Variants in SMC3 observed in about 807,000 individuals in gnomAD.
SMC3 encodes the protein structural maintenance of chromosomes protein 3.
A neutral mutation model predicts 171.8 loss-of-function variants in SMC3; 20 were observed. That is an observed-to-expected ratio of 0.12 (90% CI 0.08 to 0.17). The LOEUF (loss-of-function observed/expected upper bound fraction) is 0.17, where lower values mean the gene tolerates loss of function less well. Ranked by LOEUF, SMC3 falls within the 10% of genes least tolerant of loss-of-function variation. SMC3 has a pLI of 1.00. For synonymous variants in SMC3, 464 were observed against 451.1 expected (o/e 1.03, Z -0.36); for missense variants, 543 against 1,420.4 (o/e 0.38, Z 9.93).
Position 110,595,765 on chromosome 10 carries a change from A to G in SMC3, c.1964-633A>G, listed in dbSNP as rs578021135. Among the ~76,000 whole-genome samples, 3 of 151,894 alleles carry G rather than the reference A, an allele frequency of 2.0e-5. No individual in the cohort carries two copies. The East Asian group carries it at 5.8e-4, about 29-fold the overall frequency. ...ATGAATTTTTTTTTTTTAATTCAAT[A>G]TGTTATTACATTGGTATTGTTATTT... is the stretch of plus-strand genomic sequence containing the variant. On this transcript the variant is annotated intron_variant, in intron 18 of 28. Transcript: ENST00000361804.
chr10:110,580,743 C>T (rs762297322), intron 7 of SMC3, among the ~76,000 whole-genome samples, 161 bp from the exon 8 acceptor site: 1 of 152,064 alleles, frequency 6.6e-6, no homozygotes, highest in Non-Finnish European at 1.5e-5. Flanking sequence ...GCAAATATTC[C>T]AAAACTTGAA....
At chr10:110,588,597 G>A (rs1270969916) in intron 13 of SMC3, among the ~76,000 whole-genome samples, 1 of 152,134 alleles carries the variant, frequency 6.6e-6, no homozygotes, top group Non-Finnish European at 1.5e-5. Context: ...GTTTGCTTTG[G>A]TCTTTTATGA....
intron 19 of SMC3, 110 bp from the exon 20 acceptor site, chr10:110,598,029 G>T (rs1564794734): frequency 1.0e-6 from 1 of 983,554 alleles, no homozygotes; most frequent in African/African-American, 1.6e-5. Context: ...GGACATAAAT[G>T]TTATTTGGGG....
Position 110,604,561 on chromosome 10 carries a change from AT to A in SMC3, c.*261del, listed in dbSNP as rs1366768484. The A allele has an allele frequency of 4.9e-6, 2 of 410,968 alleles. No individual in the cohort carries two copies. The highest frequency in any genetic ancestry group is 4.1e-5 in the African/African-American group (2 of 49,176). The allele number at this position is 410,968 out of a possible 1,614,324, so 25.5% of individuals were successfully genotyped here. ...TTAAATGTTTTGAAACATGCTAAAT[AT>A]TCTTTCCTAATTATTTTATCACTTA... On this transcript the variant is annotated 3_prime_UTR_variant, in exon 29 of 29. Coordinates refer to ENST00000361804, the MANE Select transcript of SMC3 (RefSeq NM_005445.4).
chr10:110,587,972 A>G (rs1280274205), intron 13 of SMC3, among the ~76,000 whole-genome samples: 1 of 152,164 alleles, frequency 6.6e-6, no homozygotes. Context: ...TTAATTATCC[A>G]AGATGTTAAA....
At position 110,567,766 on chromosome 10, in the gene SMC3, T is replaced by G. The variant is rs1860794180; in HGVS notation, c.-51T>G. 6.2e-7 allele frequency: 1 copy of G among 1,612,034 alleles called. No individual in the cohort carries two copies. Among genetic ancestry groups the G allele is most frequent in the East Asian group, 2.2e-5 (1 of 44,842 alleles). On this transcript the variant is annotated 5_prime_UTR_variant, in exon 1 of 29. Coordinates refer to ENST00000361804, the MANE Select transcript of SMC3 (RefSeq NM_005445.4). ...GGCGCCTCACCTGACCCTGCGGCCG[T>G]GCGGTTGCTGCTCCGGGGCAGGTCT... is the stretch of plus-strand genomic sequence containing the variant.
intron 18 of SMC3, among the ~76,000 whole-genome samples, chr10:110,593,945 AC>A (rs1564793313): frequency 6.6e-6 from 1 of 151,640 alleles, no homozygotes; most frequent in South Asian, 2.1e-4. Context: ...CCAAGATCAC[AC>A]CCCTGCACTC....
intron 19 of SMC3, among the ~76,000 whole-genome samples, chr10:110,597,437 C>T (rs905567001): frequency 2.0e-5 from 3 of 152,114 alleles, no homozygotes; most frequent in Admixed American, 6.6e-5. Context: ...AATATAGGTA[C>T]TTGAGCATCA....
chr10:110,576,685 C>T (rs1409752482), intron 4 of SMC3, among the ~76,000 whole-genome samples: 1 of 152,042 alleles, frequency 6.6e-6, no homozygotes, highest in Non-Finnish European at 1.5e-5. Context: ...GCCCAGTAAT[C>T]AGAATTGATT....
Position 110,604,217 on chromosome 10 carries a change from C to T in SMC3, c.3583-14C>T, listed in dbSNP as rs1481867538. ...GTAATTAACAGATTTTTGTTTTTAA[C>T]ATTTATTCTTCAGGTTAGTCATATT... On this transcript the variant is annotated splice_polypyrimidine_tract_variant and intron_variant, in intron 28 of 28. Coordinates refer to ENST00000361804, the MANE Select transcript of SMC3 (RefSeq NM_005445.4). 1 of 1,585,462 alleles carries T rather than the reference C, an allele frequency of 6.3e-7. No homozygotes were observed. Among genetic ancestry groups the T allele is most frequent in the Non-Finnish European group, 8.6e-7 (1 of 1,159,836 alleles).
intron 2 of SMC3, among the ~76,000 whole-genome samples, chr10:110,572,657 T>C (rs1217521422): frequency 6.6e-6 from 1 of 152,134 alleles, no homozygotes; most frequent in Non-Finnish European, 1.5e-5. Context: ...ATAAGTAATA[T>C]AGGCAGATGC....
intron 13 of SMC3, among the ~76,000 whole-genome samples, chr10:110,587,188 TTAGA>T (rs1013718601): frequency 1.3e-5 from 2 of 152,356 alleles, no homozygotes; most frequent in African/African-American, 2.4e-5. Flanking sequence ...GGGGAAGCTC[TTAGA>T]TAGTTTCAGT....
At chr10:110,595,123 C>T (rs1050139722) in intron 18 of SMC3, among the ~76,000 whole-genome samples, 1 of 151,940 alleles carries the variant, frequency 6.6e-6, no homozygotes, top group Non-Finnish European at 1.5e-5. Context: ...GCTGGGATTA[C>T]AGACATGCGC....
intron 10 of SMC3, 38 bp downstream of exon 10, chr10:110,582,680 TA>T: frequency 1.4e-6 from 2 of 1,479,442 alleles, no homozygotes; most frequent in Non-Finnish European, 1.9e-6. Flanking sequence ...ACTTACTTTT[TA>T]CTTTTGAGAC....
chr10:110,602,755 C>T (rs774162501), intron 26 of SMC3, 70 bp from the exon 27 acceptor site: 6 of 1,565,862 alleles, frequency 3.8e-6, no homozygotes, highest in Non-Finnish European at 5.3e-6. Context: ...GCATTATATG[C>T]AAGTTACTTT....
At chr10:110,595,642 T>A (rs1231669646) in intron 18 of SMC3, among the ~76,000 whole-genome samples, 5 of 152,262 alleles carry the variant, frequency 3.3e-5, no homozygotes, top group South Asian at 4.1e-4. Context: ...AAATGGTGAT[T>A]CATAAATTCT....
rs547477151 is a variant in SMC3 at position 110,598,076 on chromosome 10, A to G, written c.2117-63A>G. The G allele has an allele frequency of 1.5e-4, 223 of 1,483,066 alleles. 6 individuals are homozygous for G. In the South Asian group the frequency reaches 2.1e-3, roughly 14 times the overall value. The allele number at this position is 1,483,066 out of a possible 1,614,324, so 91.9% of individuals were successfully genotyped here. On this transcript the variant is annotated intron_variant, in intron 19 of 28. Coordinates refer to ENST00000361804, the MANE Select transcript of SMC3 (RefSeq NM_005445.4). ...GAAGGGATACATGGTGTTGTGTCTA[A>G]AAAGAATTAAGAACATACGATATAT...
At chr10:110,595,478 C>A (rs1425914213) in intron 18 of SMC3, among the ~76,000 whole-genome samples, 1 of 152,192 alleles carries the variant, frequency 6.6e-6, no homozygotes, top group Admixed American at 6.5e-5. Context: ...GTTTGATCAC[C>A]TGCAGATCTC....
intron 13 of SMC3, among the ~76,000 whole-genome samples, chr10:110,588,695 A>C (rs1012310386): frequency 1.2e-4 from 18 of 152,206 alleles, no homozygotes; most frequent in Non-Finnish European, 2.1e-4. Flanking sequence ...CTTAAACTCT[A>C]GCCAGTGAGG....
Sources: gnomAD v4.1 joint callset for allele counts (sites outside exome capture counted in the v4.1 genomes callset) on GRCh38, gnomAD v4.1.1 for gene constraint, MANE v1.5 for transcripts, NCBI Gene and HGNC (gene_info 2026-07-23, HGNC 2026-07-21) for gene names.